The following PCDHA12 variants were observed in gnomAD, a reference collection of about 807,000 sequenced individuals.
PCDHA12 encodes protocadherin alpha-12.
PCDHA12 carries 44 observed loss-of-function variants against 60.0 expected under a neutral mutation model. The observed-to-expected ratio is 0.73, with a 90% CI of 0.58 to 0.94. PCDHA12 has a LOEUF of 0.94. Ranked by LOEUF, PCDHA12 falls within the 40% of genes least tolerant of loss-of-function variation. PCDHA12 has a pLI of 0.00. For synonymous variants in PCDHA12, 569 were observed against 553.0 expected, an observed-to-expected ratio of 1.03 and a Z score of -0.40; for missense variants, 1,276 against 1,239.7, an observed-to-expected ratio of 1.03 and a Z score of -0.44.
intron 1 of PCDHA12, chr5:140,883,972 C>G (rs781784485): frequency 3.1e-6 from 5 of 1,612,854 alleles, no homozygotes; most frequent in Non-Finnish European, 4.2e-6. Context: ...TGCTGACGCC[C>G]GGGGCTGGCA....
At chr5:140,908,846 T>A (rs2074185614) in intron 1 of PCDHA12, among the ~76,000 whole-genome samples, 1 of 152,294 alleles carries the variant, frequency 6.6e-6, no homozygotes, top group East Asian at 1.9e-4. Flanking sequence ...TGGAGTAACA[T>A]ACCCAAATGA....
chr5:140,878,239 T>C (rs1198199054), intron 1 of PCDHA12: 1 of 155,370 alleles, frequency 6.4e-6, no homozygotes, highest in Non-Finnish European at 1.4e-5. Context: ...ATGGATTCTT[T>C]AACTCTTCCT....
At chr5:140,986,005 C>G (rs912493095) in intron 3 of PCDHA12, among the ~76,000 whole-genome samples, 1 of 152,040 alleles carries the variant, frequency 6.6e-6, no homozygotes, top group African/African-American at 2.4e-5. Flanking sequence ...TCCCAAAGTG[C>G]TGGGATTACA....
chr5:140,878,027 G>C, intron 1 of PCDHA12, 188 bp downstream of exon 1: 1 of 699,256 alleles, frequency 1.4e-6, no homozygotes, highest in Non-Finnish European at 2.1e-6. Flanking sequence ...GAAATATGTA[G>C]GTACAATGGA....
At chr5:140,913,867 T>G (rs1554196087) in intron 1 of PCDHA12, among the ~76,000 whole-genome samples, 2 of 152,234 alleles carry the variant, frequency 1.3e-5, no homozygotes. Flanking sequence ...TTGTTTAATT[T>G]CCATGTGTTC....
At chr5:140,881,650 T>C (rs508730) in intron 1 of PCDHA12, among the ~76,000 whole-genome samples, 2,267 of 152,332 alleles carry the variant, frequency 0.015, 53 homozygotes, top group African/African-American at 0.052. Flanking sequence ...ATTTTTCACC[T>C]TCACCGATTT....
At chr5:140,880,628 A>T (rs566696364) in intron 1 of PCDHA12, among the ~76,000 whole-genome samples, 46 of 152,352 alleles carry the variant, frequency 3.0e-4, no homozygotes, top group Non-Finnish European at 4.4e-5. Flanking sequence ...GGAGTTAATT[A>T]TCAATTCACT....
intron 1 of PCDHA12, among the ~76,000 whole-genome samples, chr5:140,886,254 CTA>C (rs1304679943): frequency 6.6e-6 from 1 of 151,720 alleles, no homozygotes; most frequent in Non-Finnish European, 1.5e-5. Flanking sequence ...AAAAGTATCT[CTA>C]TTTATAGATA....
At chr5:140,967,442 G>T in intron 1 of PCDHA12, 1 of 1,613,600 alleles carries the variant, frequency 6.2e-7, no homozygotes, top group Non-Finnish European at 8.5e-7. Context: ...GCACCACCTG[G>T]TTCTCACAGC....
At chr5:140,986,511 C>T (rs181646630) in intron 3 of PCDHA12, among the ~76,000 whole-genome samples, 76 of 152,288 alleles carry the variant, frequency 5.0e-4, no homozygotes, top group African/African-American at 1.8e-3. Context: ...AAGGACTGCC[C>T]CTGCCTGTGA....
In PCDHA12 at chr5:140,979,814, T is replaced by C. The variant is rs1296773498; in HGVS notation, c.2426+807T>C. 3.3e-5 allele frequency among the ~76,000 whole-genome samples: 5 copies of C among 152,232 alleles called. No homozygotes were observed. The South Asian group carries it at 8.3e-4, about 25-fold the overall frequency. On this transcript the variant is annotated intron_variant, in intron 2 of 3. Transcript: ENST00000398631. The stretch of plus-strand genomic sequence containing the variant: ...CAAATGATCACAACTATCAAAAGGA[T>C]TTAATTTTAAAGAAGAAATAATCTT...
chr5:140,980,699 A>G (rs1183109723), intron 2 of PCDHA12, among the ~76,000 whole-genome samples: 1 of 152,186 alleles, frequency 6.6e-6, no homozygotes, highest in African/African-American at 2.4e-5. Flanking sequence ...AAAAAAGCCA[A>G]ATGTGCTCCT....
At chr5:141,005,093 G>A (rs1441843884) in intron 3 of PCDHA12, among the ~76,000 whole-genome samples, 1 of 152,172 alleles carries the variant, frequency 6.6e-6, no homozygotes, top group East Asian at 1.9e-4. Flanking sequence ...TACTTTACAT[G>A]CATTACATCA....
chr5:140,961,445 C>T (rs772072156), intron 1 of PCDHA12, among the ~76,000 whole-genome samples: 1 of 152,214 alleles, frequency 6.6e-6, no homozygotes, highest in South Asian at 2.1e-4. Context: ...CCTAACTACA[C>T]TGTCTTGCAG....
At position 140,876,152 on chromosome 5, in the gene PCDHA12, A is replaced by G; in HGVS notation, c.680A>G (p.Gln227Arg). ...GGKPELTGSV[Q>R]IQITVLDVND... ...AAACCAGAACTAACAGGGTCTGTCC[A>G]GATTCAAATAACCGTCCTGGATGTG... is the stretch of plus-strand genomic sequence containing the variant. Residue 227 changes from glutamine to arginine, a missense_variant, in exon 1 of 4, where the codon CAG becomes CGG. Transcript: ENST00000398631. 1 of 1,613,982 alleles carries G rather than the reference A, an allele frequency of 6.2e-7. No individual in the cohort carries two copies. The highest frequency in any genetic ancestry group is 1.3e-5 in the African/African-American group (1 of 75,068).
At chr5:140,890,784 T>C (rs2062805881) in intron 1 of PCDHA12, among the ~76,000 whole-genome samples, 1 of 152,212 alleles carries the variant, frequency 6.6e-6, no homozygotes, top group South Asian at 2.1e-4. Flanking sequence ...CCATAAGATA[T>C]TAGTATTATT....
intron 3 of PCDHA12, among the ~76,000 whole-genome samples, chr5:140,993,190 CTCACTAAAGCTAATTTTTT>C (rs2097544277): frequency 6.6e-6 from 1 of 152,022 alleles, no homozygotes; most frequent in Non-Finnish European, 1.5e-5. Flanking sequence ...TAGAGGGAAA[CTCACTAAAGCTAATTTTTT>C]TAGCTTTTTG....
intron 1 of PCDHA12, among the ~76,000 whole-genome samples, chr5:140,947,922 C>T (rs2094193763): frequency 6.6e-6 from 1 of 151,450 alleles, no homozygotes; most frequent in Admixed American, 6.6e-5. Context: ...TTGCCTTAAC[C>T]CTGATCTTAT....
intron 1 of PCDHA12, chr5:140,967,023 G>C: frequency 6.2e-7 from 1 of 1,608,162 alleles, no homozygotes; most frequent in Non-Finnish European, 8.5e-7. Context: ...GGTGCGCCCA[G>C]TCCGCGCTAC....
Sources: gnomAD v4.1 joint callset for allele counts (sites outside exome capture counted in the v4.1 genomes callset) on GRCh38, gnomAD v4.1.1 for gene constraint, MANE v1.5 for transcripts, NCBI Gene and HGNC (gene_info 2026-07-23, HGNC 2026-07-21) for gene names.